The following PPFIBP1 variants were observed in gnomAD, a reference collection of about 807,000 sequenced individuals.
PPFIBP1 encodes the protein liprin-beta-1.
A neutral mutation model predicts 137.8 loss-of-function variants in PPFIBP1; 112 were observed. The observed-to-expected ratio is 0.81, with a 90% confidence interval of 0.70 to 0.95. The LOEUF is 0.95. Among genes scored for constraint, PPFIBP1 ranks in the 40% least tolerant of loss-of-function variants. The probability of loss-of-function intolerance (pLI) is 0.00; values close to 1 mark genes in which losing one functional copy is unlikely to be tolerated. For synonymous variants in PPFIBP1, 378 were observed against 417.3 expected (o/e 0.91, Z 1.15); for missense variants, 1,083 against 1,196.6 (o/e 0.91, Z 1.40).
At chr12:27,595,204 G>C (rs1045043627) in intron 2 of PPFIBP1, among the ~76,000 whole-genome samples, 5 of 152,226 alleles carry the variant, frequency 3.3e-5, no homozygotes, top group African/African-American at 1.2e-4. Context: ...TGAAGCCCCG[G>C]AAAGCAAGTA....
intron 24 of PPFIBP1, among the ~76,000 whole-genome samples, chr12:27,687,158 C>A (rs902412599): frequency 1.3e-5 from 2 of 152,140 alleles, no homozygotes; most frequent in Non-Finnish European, 2.9e-5. Context: ...CTCAGAGCAT[C>A]TGGAAGAGAG....
At chr12:27,634,779 T>G in intron 3 of PPFIBP1, 131 bp from the exon 4 acceptor site, 1 of 769,884 alleles carries the variant, frequency 1.3e-6, no homozygotes, top group Non-Finnish European at 2.1e-6. Context: ...GAGATTTATG[T>G]GATTGAATTC....
At chr12:27,608,381 G>T (rs1308362998) in intron 2 of PPFIBP1, among the ~76,000 whole-genome samples, 1 of 152,116 alleles carries the variant, frequency 6.6e-6, no homozygotes, top group Non-Finnish European at 1.5e-5. Context: ...TTAAATGCAG[G>T]ACTGTGACTC....
intron 13 of PPFIBP1, among the ~76,000 whole-genome samples, chr12:27,671,064 G>T (rs138360478): frequency 6.6e-6 from 1 of 151,890 alleles, no homozygotes; most frequent in East Asian, 1.9e-4. Flanking sequence ...AGCTACTCAG[G>T]AGGCTACGGC....
At chr12:27,564,393 C>CT (rs558974383) in intron 1 of PPFIBP1, among the ~76,000 whole-genome samples, 64 of 152,310 alleles carry the variant, frequency 4.2e-4, no homozygotes, top group African/African-American at 1.3e-3. Context: ...ATTCACATAG[C>CT]TCCTTTCACA....
intron 1 of PPFIBP1, among the ~76,000 whole-genome samples, chr12:27,545,970 A>G (rs1214929631): frequency 6.6e-6 from 1 of 152,184 alleles, no homozygotes; most frequent in Non-Finnish European, 1.5e-5. Flanking sequence ...TATAGTCTCC[A>G]TTAATGGAGG....
intron 11 of PPFIBP1, among the ~76,000 whole-genome samples, chr12:27,664,036 G>A (rs1011544051): frequency 6.6e-6 from 1 of 151,732 alleles, no homozygotes; most frequent in Admixed American, 6.6e-5. Context: ...TTCTTTTTTT[G>A]TTTTGTGTCT....
rs563787839 is a variant in PPFIBP1 at position 27,640,343 on chromosome 12, T to C, written c.270+5228T>C. ...TGGTCTCATGTTATCCTTCCCAAAG[T>C]GGAAGAGAGATTCCTCCTCTAGATC... On this transcript the variant is annotated intron_variant, in intron 4 of 29. Coordinates refer to ENST00000228425, the MANE Select transcript of PPFIBP1 (RefSeq NM_003622.4). Among the ~76,000 whole-genome samples, 15 of 152,326 alleles carry C rather than the reference T, an allele frequency of 9.8e-5. No homozygotes were observed. In the South Asian group the frequency reaches 2.5e-3, roughly 25 times the overall value.
At chr12:27,542,808 G>A (rs1312184985) in intron 1 of PPFIBP1, among the ~76,000 whole-genome samples, 1 of 152,132 alleles carries the variant, frequency 6.6e-6, no homozygotes, top group Non-Finnish European at 1.5e-5. Context: ...GCTTAGGATT[G>A]TGCTCGTAGG....
chr12:27,644,709 A>C (rs1408868140), intron 4 of PPFIBP1, among the ~76,000 whole-genome samples: 3 of 152,222 alleles, frequency 2.0e-5, no homozygotes, highest in African/African-American at 7.2e-5. Flanking sequence ...TGGGCACTTC[A>C]GTTAACAATA....
chr12:27,549,793 C>T (rs968163437), intron 1 of PPFIBP1, among the ~76,000 whole-genome samples: 2 of 152,172 alleles, frequency 1.3e-5, no homozygotes, highest in Non-Finnish European at 2.9e-5. Context: ...ACACAACTGC[C>T]CCGCCCTCTC....
At chr12:27,692,046 A>T (rs1021393029) in intron 28 of PPFIBP1, 118 bp downstream of exon 28, 1 of 855,930 alleles carries the variant, frequency 1.2e-6, no homozygotes, top group Non-Finnish European at 1.8e-6. Flanking sequence ...AAATACAGAT[A>T]ATAATAGTGA....
chr12:27,552,617 C>T (rs1946885694), intron 1 of PPFIBP1: 2 of 152,186 alleles, frequency 1.3e-5, no homozygotes, highest in African/African-American at 2.4e-5. Flanking sequence ...AAAAGCTCTT[C>T]TCTTTTTCTC....
At chr12:27,525,522 A>G (rs1592244592) in intron 1 of PPFIBP1, among the ~76,000 whole-genome samples, 1 of 147,460 alleles carries the variant, frequency 6.8e-6, no homozygotes, top group African/African-American at 2.6e-5. Flanking sequence ...GGAAAAAAAA[A>G]AAAAAAAAAA....
chr12:27,556,289 A>C (rs2048697154), intron 1 of PPFIBP1, among the ~76,000 whole-genome samples: 1 of 152,254 alleles, frequency 6.6e-6, no homozygotes, highest in Non-Finnish European at 1.5e-5. Flanking sequence ...TGTTAATGAA[A>C]CACATAAATA....
chr12:27,684,081 C>G (rs1593368832), intron 24 of PPFIBP1, among the ~76,000 whole-genome samples: 2 of 151,638 alleles, frequency 1.3e-5, no homozygotes, highest in South Asian at 4.2e-4. Flanking sequence ...GCCACCGAGC[C>G]TGGCCTTGTT....
chr12:27,657,396 A>G (rs74625983), intron 9 of PPFIBP1, among the ~76,000 whole-genome samples: 6,302 of 151,684 alleles, frequency 0.042, 157 homozygotes, highest in South Asian at 0.07. Flanking sequence ...AATGTGCATA[A>G]TATCTGACAA....
chr12:27,625,859 C>G (rs926867916), intron 2 of PPFIBP1, among the ~76,000 whole-genome samples: 3 of 152,076 alleles, frequency 2.0e-5, no homozygotes, highest in African/African-American at 7.2e-5. Flanking sequence ...GCTGGGATTA[C>G]AGGGTGAGCC....
chr12:27,634,195 G>A (rs2057485216), intron 3 of PPFIBP1, among the ~76,000 whole-genome samples: 1 of 140,720 alleles, frequency 7.1e-6, no homozygotes, highest in Non-Finnish European at 1.5e-5. Flanking sequence ...TTCTCAAGCT[G>A]AAGTGTAGTG....
Sources: allele counts gnomAD v4.1 joint callset (sites outside exome capture counted in the v4.1 genomes callset), GRCh38; gene constraint gnomAD v4.1.1; transcripts MANE v1.5; gene names NCBI Gene and HGNC (gene_info 2026-07-23, HGNC 2026-07-21).